UBR2: variants seen among roughly 807,000 people sequenced by gnomAD.
The protein encoded by UBR2 is ubiquitin protein ligase E3 component n-recognin 2.
In UBR2, 92 loss-of-function variants were observed where a neutral mutation model predicts 247.9. The ratio of observed to expected loss-of-function variants is 0.37; its 90% CI spans 0.31 to 0.44. The LOEUF (loss-of-function observed/expected upper bound fraction) is 0.44, where lower values mean the gene tolerates loss of function less well. Ranked by LOEUF, UBR2 falls within the 20% of genes least tolerant of loss-of-function variation. The probability of loss-of-function intolerance (pLI) is 1.00; values close to 1 mark genes in which losing one functional copy is unlikely to be tolerated. For synonymous variants in UBR2, 672 were observed against 693.5 expected, an observed-to-expected ratio of 0.97 and a Z score of 0.49; for missense variants, 1,613 against 2,112.6, an observed-to-expected ratio of 0.76 and a Z score of 4.64.
chr6:42,605,874 C>T lies in UBR2; in HGVS notation c.801+15C>T, dbSNP rs955522181. ...TAGATCGAGATGTAAGTAATTTTAC[C>T]ATGTTGATAATAAATTGAATTTTTA... is the stretch of plus-strand genomic sequence containing the variant. On this transcript the variant is annotated intron_variant, in intron 6 of 46. Transcript: ENST00000372901. 7 of 1,592,974 alleles carry T rather than the reference C, an allele frequency of 4.4e-6. No homozygotes were observed. The African/African-American group carries it at 5.4e-5, about 12-fold the overall frequency.
chr6:42,617,327 G>C, intron 10 of UBR2, 82 bp from the exon 11 acceptor site: 1 of 1,613,992 alleles, frequency 6.2e-7, no homozygotes. Context: ...GTTCTTCACC[G>C]CACCTACTCT....
At chr6:42,655,771 T>A (rs1237069847) in intron 26 of UBR2, 48 bp downstream of exon 26, 1 of 1,153,364 alleles carries the variant, frequency 8.7e-7, no homozygotes, top group Non-Finnish European at 1.2e-6. Context: ...TAAATGATTT[T>A]AAGAAATCAC....
At chr6:42,628,564 A>C (rs1457057077) in intron 11 of UBR2, among the ~76,000 whole-genome samples, 2 of 152,058 alleles carry the variant, frequency 1.3e-5, no homozygotes, top group Non-Finnish European at 2.9e-5. Flanking sequence ...TCTTCTAAAA[A>C]TACAAAAAAT....
At chr6:42,684,716 A>G in intron 43 of UBR2, 78 bp from the exon 44 acceptor site, 4 of 1,020,794 alleles carry the variant, frequency 3.9e-6, no homozygotes, top group Non-Finnish European at 5.8e-6. Context: ...CTAGGCAGGT[A>G]TGTGCACATG....
chr6:42,574,990 A>G (rs1489511981), intron 2 of UBR2, among the ~76,000 whole-genome samples: 1 of 152,146 alleles, frequency 6.6e-6, no homozygotes, highest in African/African-American at 2.4e-5. Flanking sequence ...GAGCCACTGT[A>G]CCCGGCCTCT....
intron 46 of UBR2, among the ~76,000 whole-genome samples, chr6:42,690,756 C>G (rs1799711014): frequency 6.6e-6 from 1 of 152,174 alleles, no homozygotes; most frequent in Admixed American, 6.6e-5. Flanking sequence ...CCAGACCCTC[C>G]TTATCCCCCG....
In UBR2 at chr6:42,665,444, A is replaced by G. The variant is rs1053167010; in HGVS notation, c.3734A>G (p.Gln1245Arg). 6.2e-7 allele frequency: 1 copy of G among 1,613,268 alleles called. No individual in the cohort carries two copies. Among genetic ancestry groups the G allele is most frequent in the Non-Finnish European group, 8.5e-7 (1 of 1,179,588 alleles). ...TTTTCAGACCAACCAAATCTGACTC[A>G]GTGGATTAGAACAATATCTCAGCAA... ...LNFSDQPNLT[Q>R]WIRTISQQIK... Residue 1245 changes from glutamine (Q) to arginine (R), a missense_variant, in exon 33 of 47, where the codon CAG (glutamine) becomes CGG (arginine). Physicochemically the swap from Gln to Arg is conservative, Grantham distance 43. Coordinates refer to ENST00000372901, the MANE Select transcript of UBR2 (RefSeq NM_001363705.2).
chr6:42,691,614 C>A lies in UBR2; in HGVS notation c.*441C>A. ...CCAACACTGGGACTGGGTTGGTGTC[C>A]CCTCTGCTGACAGGACCCTACTCCT... On this transcript the variant is annotated 3_prime_UTR_variant, in exon 47 of 47. Coordinates refer to ENST00000372901, the MANE Select transcript of UBR2 (RefSeq NM_001363705.2). 4.7e-6 allele frequency: 1 copy of A among 213,862 alleles called. No homozygotes were observed. The highest frequency in any genetic ancestry group is 9.3e-6 in the Non-Finnish European group (1 of 107,612). The allele number at this position is 213,862 out of a possible 1,614,324, so 13.2% of individuals were successfully genotyped here.
At position 42,680,918 on chromosome 6, in the gene UBR2, C is replaced by T. The variant is rs183048133; in HGVS notation, c.4718+1086C>T. Reference sequence around the variant, plus strand: ...TGGCTCACGCCTGTAATCCGCAGCACTTTGGGAGGCCCAGACGGGCGGATC... The same window carrying T: ...TGGCTCACGCCTGTAATCCGCAGCATTTTGGGAGGCCCAGACGGGCGGATC... On this transcript the variant is annotated intron_variant, in intron 42 of 46. Coordinates refer to ENST00000372901, the MANE Select transcript of UBR2 (RefSeq NM_001363705.2). 5.6e-4 allele frequency among the ~76,000 whole-genome samples: 85 copies of T among 152,186 alleles called. No individual in the cohort carries two copies. The East Asian group carries it at 0.014, about 25-fold the overall frequency.
intron 36 of UBR2, among the ~76,000 whole-genome samples, chr6:42,671,226 T>C (rs1019328795): frequency 6.7e-6 from 1 of 150,204 alleles, no homozygotes; most frequent in African/African-American, 2.5e-5. Flanking sequence ...GGCAGTATAG[T>C]GAGACCTCAT....
At chr6:42,658,374 G>T in intron 28 of UBR2, 54 bp downstream of exon 28, 3 of 1,498,472 alleles carry the variant, frequency 2.0e-6, no homozygotes, top group South Asian at 2.5e-5. Context: ...AGTTCAGTAT[G>T]AACAAAATAA....
chr6:42,659,540 C>T lies in UBR2; in HGVS notation c.3243-116C>T, dbSNP rs912918584. Reference sequence around the variant, plus strand: ...ATATATACACACACACACACACACACACACACACACACACACACACACTAC... The same window carrying T: ...ATATATACACACACACACACACACATACACACACACACACACACACACTAC... On this transcript the variant is annotated intron_variant, in intron 29 of 46. Coordinates refer to ENST00000372901, the MANE Select transcript of UBR2 (RefSeq NM_001363705.2). This position sits in a 1 kb window ranked among gnomAD's most constrained non-coding sequence, Gnocchi z 4.3. 70 of 685,528 alleles carry T rather than the reference C, an allele frequency of 1.0e-4. No homozygotes were observed. Among genetic ancestry groups the T allele is most frequent in the South Asian group, 8.5e-4 (47 of 55,084 alleles). 42.5% of individuals were successfully genotyped at this position (685,528 alleles called of 1,614,324 possible). A position where few individuals can be genotyped will look rare whatever the true frequency, so the allele number is the denominator to read the frequency against.
intron 6 of UBR2, among the ~76,000 whole-genome samples, chr6:42,606,242 C>CAA (rs1285312210): frequency 8.1e-6 from 1 of 123,554 alleles, no homozygotes; most frequent in Non-Finnish European, 1.7e-5. Flanking sequence ...GACTCCATCT[C>CAA]AAAAAAAAAA....
chr6:42,567,715 C>T (rs988467605), intron 1 of UBR2, among the ~76,000 whole-genome samples: 1 of 151,830 alleles, frequency 6.6e-6, no homozygotes, highest in Non-Finnish European at 1.5e-5. Context: ...GGTGACAGAG[C>T]GGGACCCCAT....
chr6:42,691,271 A>G lies in UBR2; in HGVS notation c.*98A>G. 6.6e-7 allele frequency: 1 copy of G among 1,517,042 alleles called. No individual in the cohort carries two copies. Among genetic ancestry groups the G allele is most frequent in the East Asian group, 2.3e-5 (1 of 44,222 alleles). The allele number at this position is 1,517,042 out of a possible 1,614,324, so 94.0% of individuals were successfully genotyped here. ...TGCTGAATTTGGAAATAAATTCTTT[A>G]TTTAAACTTTCCTTCCCAGTTTTAT... On this transcript the variant is annotated 3_prime_UTR_variant, in exon 47 of 47. Coordinates refer to ENST00000372901, the MANE Select transcript of UBR2 (RefSeq NM_001363705.2).
rs985245406 is a variant in UBR2, at chr6:42,670,965, C to A, written c.4086+250C>A. On this transcript the variant is annotated intron_variant, in intron 36 of 46. Transcript: ENST00000372901. ...CTTTGGGAGGCCGAGGCAGGAGGAT[C>A]ACCTGAGGTCGGGAGTTTAAGACCA... Among the ~76,000 whole-genome samples the A allele has an allele frequency of 2.6e-5, 4 of 152,228 alleles. No individual in the cohort carries two copies. In the East Asian group the frequency reaches 7.7e-4, roughly 29 times the overall value.
At chr6:42,564,635 A>G (rs1028061110) in intron 1 of UBR2, among the ~76,000 whole-genome samples, 4 of 152,212 alleles carry the variant, frequency 2.6e-5, no homozygotes, top group Non-Finnish European at 4.4e-5. Context: ...CTTTCTGCCC[A>G]GGAGAACCCA....
At chr6:42,608,471 A>T (rs1582518297) in intron 7 of UBR2, among the ~76,000 whole-genome samples, 2 of 152,082 alleles carry the variant, frequency 1.3e-5, no homozygotes, top group South Asian at 2.1e-4. Context: ...ACAAAAAAAA[A>T]TTTAAAAAAT....
chr6:42,669,153 G>C (rs898322079), intron 34 of UBR2, among the ~76,000 whole-genome samples: 13 of 151,956 alleles, frequency 8.6e-5, no homozygotes, highest in African/African-American at 3.1e-4. Flanking sequence ...TCGAACTCCT[G>C]ACCTCAAGTG....
Sources: allele counts gnomAD v4.1 joint callset (sites outside exome capture counted in the v4.1 genomes callset), GRCh38; gene constraint gnomAD v4.1.1; non-coding constraint Gnocchi (gnomAD v3.1); transcripts MANE v1.5; gene names NCBI Gene and HGNC (gene_info 2026-07-23, HGNC 2026-07-21).